Variants in SNTB1 observed in about 807,000 individuals in gnomAD.
SNTB1 encodes the protein beta-1-syntrophin.
Under a neutral mutation model 48.9 loss-of-function variants are expected in SNTB1, and 36 were observed. The ratio of observed to expected loss-of-function variants is 0.74; its 90% CI spans 0.56 to 0.97. SNTB1 has a LOEUF of 0.97. Among genes scored for constraint, SNTB1 ranks in the 50% least tolerant of loss-of-function variants. The pLI, the probability that SNTB1 is intolerant of heterozygous loss-of-function variation, is 0.00. For missense variants in SNTB1, 786 were observed against 703.4 expected (o/e 1.12, Z -1.33); for synonymous variants, 299 against 294.6 (o/e 1.01, Z -0.15).
chr8:120,539,487 T>C (rs1815250980), intron 6 of SNTB1, among the ~76,000 whole-genome samples: 1 of 152,236 alleles, frequency 6.6e-6, no homozygotes, highest in Non-Finnish European at 1.5e-5. Flanking sequence ...ACAGAACGCA[T>C]GCTAAGCAGC....
chr8:120,630,877 G>A (rs116181368), intron 3 of SNTB1, among the ~76,000 whole-genome samples: 1,968 of 152,222 alleles, frequency 0.013, 50 homozygotes, highest in African/African-American at 0.044. Flanking sequence ...AGACAACCAG[G>A]AGCAAAGAAA....
chr8:120,542,712 AC>A (rs1815310557), intron 5 of SNTB1, among the ~76,000 whole-genome samples: 1 of 49,774 alleles, frequency 2.0e-5, no homozygotes, highest in Non-Finnish European at 3.2e-5. Flanking sequence ...CTTATCATCC[AC>A]ACACACACAC....
In SNTB1 at chr8:120,739,157, T is replaced by A. The variant is rs532794215; in HGVS notation, c.572-45249A>T. ...TAATTTCAAGAGAAAACAGAGTTGC[T>A]CTGGAAAAACCCCAATGCATTATTT... On this transcript the variant is annotated intron_variant, in intron 1 of 6. Transcript: ENST00000517992. 1.5e-3 allele frequency among the ~76,000 whole-genome samples: 225 copies of A among 152,354 alleles called. No homozygotes were observed. In the Middle Eastern group the frequency reaches 0.02, roughly 14 times the overall value.
chr8:120,676,465 A>AT (rs1396915863), intron 2 of SNTB1, among the ~76,000 whole-genome samples: 2 of 152,204 alleles, frequency 1.3e-5, no homozygotes, highest in African/African-American at 4.8e-5. Context: ...GGTCCATCTG[A>AT]TTACAAAGCC....
intron 1 of SNTB1, chr8:120,768,836 G>A (rs558433239): frequency 2.0e-5 from 3 of 152,146 alleles, no homozygotes; most frequent in African/African-American, 7.2e-5. Flanking sequence ...ATGCATCCCT[G>A]CCCTCCTCAC....
At chr8:120,770,399 A>ATT (rs111859750) in intron 1 of SNTB1, among the ~76,000 whole-genome samples, 261 of 144,296 alleles carry the variant, frequency 1.8e-3, no homozygotes, top group African/African-American at 2.9e-3. Context: ...GTAATAAAGC[A>ATT]TTTTTTTTTT....
At chr8:120,563,777 G>A (rs1054633038) in intron 4 of SNTB1, among the ~76,000 whole-genome samples, 2 of 152,226 alleles carry the variant, frequency 1.3e-5, no homozygotes, top group Admixed American at 1.3e-4. Flanking sequence ...GGAAGAGAAG[G>A]GGACTGACAG....
chr8:120,574,433 T>C (rs1263441853), intron 4 of SNTB1, among the ~76,000 whole-genome samples: 3 of 152,296 alleles, frequency 2.0e-5, no homozygotes, highest in Non-Finnish European at 1.5e-5. Flanking sequence ...ATGTTTATGG[T>C]ATAGACTATG....
intron 1 of SNTB1, among the ~76,000 whole-genome samples, chr8:120,700,463 G>A (rs1818291377): frequency 6.6e-6 from 1 of 152,132 alleles, no homozygotes; most frequent in Non-Finnish European, 1.5e-5. Context: ...AAGCAGCCAG[G>A]CCCAGGTTCA....
At chr8:120,669,063 A>G (rs997291739) in intron 2 of SNTB1, among the ~76,000 whole-genome samples, 5 of 152,232 alleles carry the variant, frequency 3.3e-5, no homozygotes, top group African/African-American at 1.2e-4. Flanking sequence ...ACCATCAACC[A>G]TCTCCATGGG....
rs77724684 is a variant in SNTB1, at chr8:120,693,633, A to G, written c.788+59T>C. On this transcript the variant is annotated intron_variant, in intron 2 of 6. Coordinates refer to ENST00000517992, the MANE Select transcript of SNTB1 (RefSeq NM_021021.4). ...TGAGGGCAATCTCGTGAAAGCCCCC[A>G]TTTAGCCTGAGAGGCCGAGGAGCTG... 3,240 of 1,469,882 alleles carry G rather than the reference A, an allele frequency of 2.2e-3. 59 individuals carry two copies. In the African/African-American group the frequency reaches 0.04, roughly 18 times the overall value. The allele number at this position is 1,469,882 out of a possible 1,614,324, so 91.1% of individuals were successfully genotyped here. A position where few individuals can be genotyped will look rare whatever the true frequency, so the allele number is the denominator to read the frequency against.
Position 120,811,824 on chromosome 8 carries a change from G to A in SNTB1, c.20C>T (p.Ala7Val). The change falls in exon 1 of 7, where the codon GCG becomes GTG. Residue 7 changes from alanine to valine, a missense_variant. Physicochemically the swap from Ala to Val is moderately conservative, Grantham distance 64. Transcript: ENST00000517992. MAVAAA[A>V]AAAGPAGAGG... ...CGCGCCAGCCGGCCCAGCCGCCGCC[G>A]CCGCCGCCGCTACCGCCATCTTTCC... is the stretch of plus-strand genomic sequence containing the variant. 7.4e-7 allele frequency: 1 copy of A among 1,350,396 alleles called. No homozygotes were observed. The highest frequency in any genetic ancestry group is 9.5e-7 in the Non-Finnish European group (1 of 1,054,870). 83.7% of individuals were successfully genotyped at this position (1,350,396 alleles called of 1,614,324 possible).
At chr8:120,741,045 A>G (rs542579993) in intron 1 of SNTB1, among the ~76,000 whole-genome samples, 6 of 152,242 alleles carry the variant, frequency 3.9e-5, no homozygotes, top group Admixed American at 1.3e-4. Flanking sequence ...ATAACATCAC[A>G]TCAGTCCTGT....
intron 1 of SNTB1, among the ~76,000 whole-genome samples, chr8:120,738,960 A>T (rs72682548): frequency 0.016 from 2,453 of 152,324 alleles, 30 homozygotes; most frequent in Non-Finnish European, 0.028. Context: ...TTTAGAAATA[A>T]ACTAAAACTG....
At chr8:120,624,270 G>A (rs750895473) in intron 3 of SNTB1, among the ~76,000 whole-genome samples, 5 of 152,118 alleles carry the variant, frequency 3.3e-5, no homozygotes, top group African/African-American at 4.8e-5. Flanking sequence ...AGACATTTAC[G>A]TCTTATAGTT....
At chr8:120,632,150 C>T (rs991320407) in intron 3 of SNTB1, among the ~76,000 whole-genome samples, 1 of 152,248 alleles carries the variant, frequency 6.6e-6, no homozygotes, top group African/African-American at 2.4e-5. Context: ...CCCTTCCCTT[C>T]ATACATAGAT....
intron 1 of SNTB1, among the ~76,000 whole-genome samples, chr8:120,737,298 C>T (rs1818962513): frequency 1.3e-5 from 2 of 152,046 alleles, no homozygotes; most frequent in African/African-American, 4.8e-5. Context: ...AGTTACTGCA[C>T]TAAATAAATT....
chr8:120,723,293 A>G (rs1416613191), intron 1 of SNTB1, among the ~76,000 whole-genome samples: 2 of 152,226 alleles, frequency 1.3e-5, no homozygotes, highest in Admixed American at 6.5e-5. Context: ...TGTATATGAC[A>G]TATTATATAT....
chr8:120,800,913 C>T (rs943257746), intron 1 of SNTB1, among the ~76,000 whole-genome samples: 12 of 151,880 alleles, frequency 7.9e-5, no homozygotes, highest in Non-Finnish European at 1.3e-4. Context: ...AAGCATATTA[C>T]TTAGAATATT....
Sources: allele counts gnomAD v4.1 joint callset (sites outside exome capture counted in the v4.1 genomes callset), GRCh38; gene constraint gnomAD v4.1.1; transcripts MANE v1.5; gene names NCBI Gene and HGNC (gene_info 2026-07-23, HGNC 2026-07-21).